Variants in RNF123 observed in about 807,000 individuals in gnomAD.
The protein encoded by RNF123 is ring finger protein 123, also known as E3 ubiquitin-protein ligase RNF123.
RNF123 carries 86 observed loss-of-function variants against 168.5 expected under a neutral mutation model. The ratio of observed to expected loss-of-function variants is 0.51; its 90% CI spans 0.43 to 0.61. The LOEUF is 0.61. Ranked by LOEUF, RNF123 falls within the 20% of genes least tolerant of loss-of-function variation. The pLI is 0.00. For synonymous variants in RNF123, 666 were observed against 689.1 expected, an observed-to-expected ratio of 0.97 and a Z score of 0.52; for missense variants, 1,419 against 1,729.7, an observed-to-expected ratio of 0.82 and a Z score of 3.19.
At chr3:49,700,385 C>T (rs1298107264) in intron 13 of RNF123, 33 bp downstream of exon 13, 1 of 1,613,262 alleles carries the variant, frequency 6.2e-7, no homozygotes, top group Admixed American at 1.7e-5. Context: ...TCAGGCCTGG[C>T]TGTCAGTCTT....
At chr3:49,710,062 C>T (rs1268830591) in intron 26 of RNF123, among the ~76,000 whole-genome samples, 1 of 151,678 alleles carries the variant, frequency 6.6e-6, no homozygotes, top group African/African-American at 2.4e-5. Flanking sequence ...TGTCAAACTC[C>T]TGGGTTCAAG....
At chr3:49,719,382 G>T in intron 35 of RNF123, 2 of 1,613,634 alleles carry the variant, frequency 1.2e-6, no homozygotes, top group Admixed American at 3.3e-5. Context: ...GGAGCGCACG[G>T]GGCGGGAAAC....
intron 35 of RNF123, chr3:49,718,605 G>C (rs774508864): frequency 1.2e-6 from 2 of 1,613,004 alleles, no homozygotes; most frequent in Non-Finnish European, 8.5e-7. Flanking sequence ...GCGCGTACAG[G>C]TGCTCTTCCG....
chr3:49,714,155 C>CAT lies in RNF123; in HGVS notation c.2992_2993insTA (p.Asn998IlefsTer51), dbSNP rs1305396449. The CAT allele has an allele frequency of 2.5e-6, 4 of 1,614,176 alleles. No individual in the cohort carries two copies. Among genetic ancestry groups the CAT allele is most frequent in the Non-Finnish European group, 2.5e-6 (3 of 1,180,026 alleles). On this transcript the variant is annotated frameshift_variant, in exon 31 of 39. Transcript: ENST00000327697. LOFTEE classifies it high-confidence loss of function. ...TGCTGAAAACCAAACTTGAGGACGC[C>CAT]AATTTGCCCAGCCTCCAGAGTGAGT...
chr3:49,705,747 G>C, intron 24 of RNF123, 68 bp downstream of exon 24: 3 of 1,603,676 alleles, frequency 1.9e-6, no homozygotes, highest in Non-Finnish European at 1.7e-6. Context: ...GTGTATTCCT[G>C]TGTGCACATG....
At chr3:49,693,347 C>CTTTTTTT (rs35938648) in intron 3 of RNF123, among the ~76,000 whole-genome samples, 1 of 34,124 alleles carries the variant, frequency 2.9e-5, no homozygotes, top group Non-Finnish European at 5.0e-5. Context: ...TGTGCCTGGC[C>CTTTTTTT]TTTTTTTTTT....
Position 49,715,619 on chromosome 3 carries a change from C to G in RNF123, c.3055C>G (p.Leu1019Val), listed in dbSNP as rs770920502. 6.2e-7 allele frequency: 1 copy of G among 1,614,146 alleles called. No homozygotes were observed. Among genetic ancestry groups the G allele is most frequent in the Non-Finnish European group, 8.5e-7 (1 of 1,180,000 alleles). ...GCTGCAGCAGCACATGGCGGACCTC[C>G]TACAGCAGGGTCCTGATGTGGCACC... ...TLLQQHMADL[L>V]QQGPDVAPSF... Residue 1019 changes from leucine to valine, a missense_variant, in exon 32 of 39, where the codon CTA (leucine) becomes GTA (valine). Transcript: ENST00000327697.
chr3:49,703,563 G>A (rs1210776166), intron 21 of RNF123, 35 bp downstream of exon 21: 14 of 1,549,890 alleles, frequency 9.0e-6, no homozygotes, highest in Admixed American at 1.7e-5. Flanking sequence ...AGCAGTTCTG[G>A]GGCCAGGTGG....
At chr3:49,711,260 G>A (rs533776359) in intron 26 of RNF123, among the ~76,000 whole-genome samples, 187 of 152,310 alleles carry the variant, frequency 1.2e-3, no homozygotes, top group Non-Finnish European at 2.1e-3. Context: ...AGTGAGCTGT[G>A]ATTGTGCCAC....
At position 49,719,089 on chromosome 3, in the gene RNF123, CG is replaced by C. The variant is rs767585688; in HGVS notation, c.3501-1420del. On this transcript the variant is annotated intron_variant, in intron 35 of 38. Coordinates refer to ENST00000327697, the MANE Select transcript of RNF123 (RefSeq NM_022064.5). Reference sequence around the variant, plus strand: ...CGCCCCCAGCCCGTCGAGGTCGTGGCGGCCAAGCGCCCGCAACGTGTTAGAT... The same window carrying C: ...CGCCCCCAGCCCGTCGAGGTCGTGGCGCCAAGCGCCCGCAACGTGTTAGAT... 1.9e-6 allele frequency: 3 copies of C among 1,613,496 alleles called. No homozygotes were observed. The African/African-American group carries it at 4.0e-5, about 22-fold the overall frequency.
chr3:49,699,793 C>T lies in RNF123; in HGVS notation c.984+21C>T. ...TTCTGGTGAGCGGCATTGGGAGGGG[C>T]ATGGGAGGGGAGGAGACAGGCCATG... is the stretch of plus-strand genomic sequence containing the variant. On this transcript the variant is annotated intron_variant, in intron 12 of 38. Coordinates refer to ENST00000327697, the MANE Select transcript of RNF123 (RefSeq NM_022064.5). This position sits in a 1 kb window ranked among gnomAD's most constrained non-coding sequence, Gnocchi z 4.8. The T allele has an allele frequency of 6.2e-7, 1 of 1,605,908 alleles. No individual in the cohort carries two copies. The highest frequency in any genetic ancestry group is 8.5e-7 in the Non-Finnish European group (1 of 1,173,954).
At position 49,715,687 on chromosome 3, in the gene RNF123, C is replaced by T. The variant is rs2080228151; in HGVS notation, c.3123C>T (p.Phe1041=). The T allele has an allele frequency of 1.2e-6, 2 of 1,614,250 alleles. No homozygotes were observed. The change falls in exon 32 of 39, where the codon TTC becomes TTT. Residue 1041 remains phenylalanine, a synonymous_variant. Transcript: ENST00000327697. ...TCCTCAATCAGCTCAACTGGGCCTTCTCTGAATTCATTGGCATGATCCAAG... is the reference window on the plus strand; with the variant it reads ...TCCTCAATCAGCTCAACTGGGCCTTTTCTGAATTCATTGGCATGATCCAAG... The part of the protein sequence containing the change: ...NSVLNQLNWA[F]SEFIGMIQEI...
chr3:49,697,542 T>C (rs962627037), intron 5 of RNF123, 85 bp downstream of exon 5: 1 of 1,116,206 alleles, frequency 9.0e-7, no homozygotes, highest in Non-Finnish European at 1.3e-6. Flanking sequence ...CTAGTCTCTC[T>C]ACTCATCTGA....
At chr3:49,708,744 G>A (rs1039657148) in intron 26 of RNF123, among the ~76,000 whole-genome samples, 1 of 152,238 alleles carries the variant, frequency 6.6e-6, no homozygotes, top group Admixed American at 6.5e-5. Flanking sequence ...CATTTTCCAG[G>A]CTGAATAATA....
At chr3:49,689,935 C>T (rs1361864072) in intron 1 of RNF123, 2 of 152,232 alleles carry the variant, frequency 1.3e-5, no homozygotes, top group Non-Finnish European at 2.9e-5. Context: ...CAGCAACTGA[C>T]TCCCGGAGCC....
rs1169585268 is a variant in RNF123 at position 49,689,597 on chromosome 3, G to C, written c.-46G>C. On this transcript the variant is annotated 5_prime_UTR_variant, in exon 1 of 39. Transcript: ENST00000327697. Reference sequence around the variant, plus strand: ...TGTTGTGAGCCGGGTCGCTGCGGCCGAGGCTCCGGGTGAGTGAGGGGCGGC... The same window carrying C: ...TGTTGTGAGCCGGGTCGCTGCGGCCCAGGCTCCGGGTGAGTGAGGGGCGGC... The C allele has an allele frequency of 6.6e-6, 1 of 152,514 alleles. No individual in the cohort carries two copies. Among genetic ancestry groups the C allele is most frequent in the Admixed American group, 6.5e-5 (1 of 15,298 alleles). 9.4% of individuals were successfully genotyped at this position (152,514 alleles called of 1,614,324 possible).
intron 35 of RNF123, chr3:49,719,071 A>G (rs2080323000): frequency 1.2e-6 from 2 of 1,613,716 alleles, no homozygotes; most frequent in African/African-American, 1.3e-5. Context: ...CAGCGCCCCC[A>G]GCCCGTCGAG....
intron 23 of RNF123, 82 bp downstream of exon 23, chr3:49,705,264 C>A: frequency 6.8e-7 from 1 of 1,467,714 alleles, no homozygotes; most frequent in Non-Finnish European, 9.3e-7. Flanking sequence ...AGCCAAAATA[C>A]ACCCCATGCC....
rs748385401 is a variant in RNF123 at position 49,701,530 on chromosome 3, G to C, written c.1317G>C (p.Lys439Asn). 10 of 1,613,674 alleles carry C rather than the reference G, an allele frequency of 6.2e-6. No homozygotes were observed. The highest frequency in any genetic ancestry group is 7.6e-6 in the Non-Finnish European group (9 of 1,180,018). The change falls in exon 16 of 39, where the codon AAG (lysine) becomes AAC (asparagine). Residue 439 changes from lysine (K) to asparagine (N), a missense_variant. Physicochemically the swap from Lys to Asn is moderately conservative, Grantham distance 94. This residue lies in a region of RNF123 where 349 missense variants were observed against 344.9 expected (regional missense o/e 1.01). Coordinates refer to ENST00000327697, the MANE Select transcript of RNF123 (RefSeq NM_022064.5). ...VLRSVVFFYIKSPLRVEEAGL... is the reference protein window; with the variant it reads ...VLRSVVFFYINSPLRVEEAGL... ...GCTCCGTCGTCTTCTTTTACATCAA[G>C]AGCCCCCTGCGTGTGGAGGAGGCCG...
Sources: gnomAD v4.1 joint callset for allele counts (sites outside exome capture counted in the v4.1 genomes callset) on GRCh38, gnomAD v4.1.1 for gene constraint, gnomAD v4.1.1 regional missense constraint, Gnocchi (gnomAD v3.1) non-coding constraint, MANE v1.5 for transcripts, NCBI Gene and HGNC (gene_info 2026-07-23, HGNC 2026-07-21) for gene names.